Variants in SLC35G2 observed in about 807,000 individuals in gnomAD.
The protein encoded by SLC35G2 is solute carrier family 35 member G2.
A neutral mutation model predicts 27.2 loss-of-function variants in SLC35G2; 20 were observed. The ratio of observed to expected loss-of-function variants is 0.74; its 90% CI spans 0.52 to 1.07. The LOEUF (loss-of-function observed/expected upper bound fraction) is 1.07. Among genes scored for constraint, SLC35G2 ranks in the 50% least tolerant of loss-of-function variants. The probability of loss-of-function intolerance (pLI) is 0.00; values close to 1 mark genes in which losing one functional copy is unlikely to be tolerated. For synonymous variants in SLC35G2, 148 were observed against 165.3 expected (o/e 0.90, Z 0.80); for missense variants, 416 against 493.3 (o/e 0.84, Z 1.48).
chr3:136,836,235 A>G (rs1225365148), intron 1 of SLC35G2, among the ~76,000 whole-genome samples: 2 of 152,184 alleles, frequency 1.3e-5, no homozygotes, highest in Non-Finnish European at 2.9e-5. Context: ...CCAACACTAC[A>G]GGGTTCATTC....
intron 1 of SLC35G2, among the ~76,000 whole-genome samples, chr3:136,825,664 G>A (rs1172229742): frequency 6.6e-6 from 1 of 152,146 alleles, no homozygotes; most frequent in Non-Finnish European, 1.5e-5. Flanking sequence ...ATGATTATAT[G>A]ATTTTTGTTC....
chr3:136,838,261 ATATATATATATATATATATAT>A (rs1203650445), intron 1 of SLC35G2: 1 of 10,330 alleles, frequency 9.7e-5, no homozygotes, highest in African/African-American at 3.2e-4. Flanking sequence ...ATATATATAT[ATATATATATATATATATATAT>A]AAATGCACAC....
At chr3:136,838,282 T>TATATATATATATATATATATATAA (rs1936946376) in intron 1 of SLC35G2, 1 of 114,244 alleles carries the variant, frequency 8.8e-6, no homozygotes, top group African/African-American at 3.2e-5. Flanking sequence ...TATATATATA[T>TATATATATATATATATATATATAA]AAATGCACAC....
intron 1 of SLC35G2, among the ~76,000 whole-genome samples, chr3:136,849,441 A>T (rs1414503582): frequency 1.4e-5 from 2 of 144,646 alleles, no homozygotes; most frequent in Non-Finnish European, 3.0e-5. Flanking sequence ...CATGATTAAT[A>T]AGTAAAGTTG....
chr3:136,820,786 C>G (rs926530730), intron 1 of SLC35G2, among the ~76,000 whole-genome samples: 1 of 152,084 alleles, frequency 6.6e-6, no homozygotes, highest in African/African-American at 2.4e-5. Flanking sequence ...ATCATCTGTT[C>G]CAAAGGCACA....
intron 1 of SLC35G2, among the ~76,000 whole-genome samples, chr3:136,851,839 A>C (rs1937647796): frequency 6.6e-6 from 1 of 152,182 alleles, no homozygotes; most frequent in African/African-American, 2.4e-5. Context: ...AATTTTAGAG[A>C]GGGACTGGGA....
Position 136,854,447 on chromosome 3 carries a change from G to A in SLC35G2, c.-14G>A, listed in dbSNP as rs9865545. ...TCAATTTTTTTCTTTAAATAGAATT[G>A]ATTATCTGAAGAAATGGATACTTCT... On this transcript the variant is annotated 5_prime_UTR_variant, in exon 2 of 2. Coordinates refer to ENST00000446465, the MANE Select transcript of SLC35G2 (RefSeq NM_025246.3). The A allele has an allele frequency of 0.69, 1,067,226 of 1,542,670 alleles. 371,088 individuals carry two copies. Among genetic ancestry groups the A allele is most frequent in the East Asian group, 0.87 (38,258 of 44,066 alleles).
chr3:136,849,942 C>CA (rs1245158063), intron 1 of SLC35G2, among the ~76,000 whole-genome samples: 1 of 151,442 alleles, frequency 6.6e-6, no homozygotes, highest in Non-Finnish European at 1.5e-5. Flanking sequence ...CCGTCTCTAC[C>CA]AAAAAAATAC....
intron 1 of SLC35G2, among the ~76,000 whole-genome samples, chr3:136,851,033 C>T (rs1187931072): frequency 6.6e-6 from 1 of 152,032 alleles, no homozygotes; most frequent in Admixed American, 6.6e-5. Context: ...TGACTAGAAA[C>T]AAAATTCCAC....
At position 136,854,868 on chromosome 3, in the gene SLC35G2, G is replaced by A. The variant is rs747480455; in HGVS notation, c.408G>A (p.Leu136=). The A allele has an allele frequency of 2.5e-6, 4 of 1,614,202 alleles. No individual in the cohort carries two copies. The Admixed American group carries it at 5.0e-5, about 20-fold the overall frequency. Reference sequence around the variant, plus strand: ...GGTCTAAAGTTCCATCTCTAGAACTGATTTTTATCCGTTCTGTTTTTCAGG... The same window carrying A: ...GGTCTAAAGTTCCATCTCTAGAACTAATTTTTATCCGTTCTGTTTTTCAGG... ...SDRSKVPSLE[L]IFIRSVFQVL... The change falls in exon 2 of 2, where the codon CTG becomes CTA. Residue 136 remains leucine (L), a synonymous_variant. Coordinates refer to ENST00000446465, the MANE Select transcript of SLC35G2 (RefSeq NM_025246.3).
chr3:136,826,241 GTT>G (rs1350964573), intron 1 of SLC35G2, among the ~76,000 whole-genome samples: 1 of 151,742 alleles, frequency 6.6e-6, no homozygotes, highest in Non-Finnish European at 1.5e-5. Context: ...GTTTCACTGT[GTT>G]AGTCAGGATG....
intron 1 of SLC35G2, chr3:136,842,369 G>A (rs1937136733): frequency 6.6e-6 from 1 of 152,164 alleles, no homozygotes; most frequent in Non-Finnish European, 1.5e-5. Context: ...GCTCTTCAAT[G>A]ATGTAGCTCA....
In SLC35G2 at chr3:136,819,128, T is replaced by G. The variant is rs372160270; in HGVS notation, c.-519T>G. 1 of 152,008 alleles carries G rather than the reference T, an allele frequency of 6.6e-6. No homozygotes were observed. Among genetic ancestry groups the G allele is most frequent in the East Asian group, 1.9e-4 (1 of 5,158 alleles). 9.4% of individuals were successfully genotyped at this position (152,008 alleles called of 1,614,324 possible). A position where few individuals can be genotyped will look rare whatever the true frequency, so the allele number is the denominator to read the frequency against. On this transcript the variant is annotated 5_prime_UTR_variant, in exon 1 of 2. Coordinates refer to ENST00000446465, the MANE Select transcript of SLC35G2 (RefSeq NM_025246.3). ...CGGCGCCCCTCTCCCTCCGCAGTAC[T>G]CCGGGCAGCGCCCGCCTCGATTTTC... is the stretch of plus-strand genomic sequence containing the variant.
At chr3:136,843,187 G>A (rs1342927142) in intron 1 of SLC35G2, 1 of 151,758 alleles carries the variant, frequency 6.6e-6, no homozygotes, top group Admixed American at 6.6e-5. Flanking sequence ...GCCAGGTGTG[G>A]TGGTGGCCGC....
chr3:136,844,087 G>A (rs186052491), intron 1 of SLC35G2, among the ~76,000 whole-genome samples: 123 of 152,256 alleles, frequency 8.1e-4, no homozygotes, highest in Non-Finnish European at 1.1e-3. Context: ...GGCCGGGCAC[G>A]GAGAGAATCA....
chr3:136,836,934 C>T (rs1936888498), intron 1 of SLC35G2, among the ~76,000 whole-genome samples: 1 of 152,062 alleles, frequency 6.6e-6, no homozygotes. Flanking sequence ...ATTTCCTGGT[C>T]CAGAAGATCA....
At chr3:136,825,916 G>A (rs1002759286) in intron 1 of SLC35G2, among the ~76,000 whole-genome samples, 1 of 152,194 alleles carries the variant, frequency 6.6e-6, no homozygotes, top group Admixed American at 6.5e-5. Flanking sequence ...TGGCCTCATA[G>A]AGTGAGTTCG....
rs1553788460 is a variant in SLC35G2 at position 136,855,736 on chromosome 3, T to TCAA, written c.*37_*38insCAA. On this transcript the variant is annotated 3_prime_UTR_variant, in exon 2 of 2. Coordinates refer to ENST00000446465, the MANE Select transcript of SLC35G2 (RefSeq NM_025246.3). Reference sequence around the variant, plus strand: ...TTATTGTCTCATTAATGTTCAGTTATTATGTATACTGCCATTTTAATGTTT... The same window carrying TCAA: ...TTATTGTCTCATTAATGTTCAGTTATCAATATGTATACTGCCATTTTAATGTTT... 1 of 1,475,784 alleles carries TCAA rather than the reference T, an allele frequency of 6.8e-7. No individual in the cohort carries two copies. The highest frequency in any genetic ancestry group is 9.5e-7 in the Non-Finnish European group (1 of 1,055,376). The allele number at this position is 1,475,784 out of a possible 1,614,324, so 91.4% of individuals were successfully genotyped here. A position where few individuals can be genotyped will look rare whatever the true frequency, so the allele number is the denominator to read the frequency against.
At chr3:136,827,211 A>G (rs1435104786) in intron 1 of SLC35G2, among the ~76,000 whole-genome samples, 2 of 150,414 alleles carry the variant, frequency 1.3e-5, no homozygotes, top group African/African-American at 2.4e-5. Flanking sequence ...TTCTTCTACT[A>G]AGTTTTTTTT....
Sources: gnomAD v4.1 joint callset for allele counts (sites outside exome capture counted in the v4.1 genomes callset) on GRCh38, gnomAD v4.1.1 for gene constraint, MANE v1.5 for transcripts, NCBI Gene and HGNC (gene_info 2026-07-23, HGNC 2026-07-21) for gene names.